The following RAB11FIP3 variants were observed in gnomAD, a reference collection of about 807,000 sequenced individuals.
RAB11FIP3 encodes the protein RAB11 family interacting protein 3.
A neutral mutation model predicts 77.8 loss-of-function variants in RAB11FIP3; 17 were observed. That is an observed-to-expected ratio of 0.22 (90% confidence interval 0.15 to 0.33). The LOEUF (loss-of-function observed/expected upper bound fraction) is 0.33. RAB11FIP3 is among the 10% of genes least tolerant of loss of function. The pLI, the probability that RAB11FIP3 is intolerant of heterozygous loss-of-function variation, is 1.00. For synonymous variants in RAB11FIP3, 437 were observed against 448.2 expected, an observed-to-expected ratio of 0.98 and a Z score of 0.31; for missense variants, 1,005 against 1,011.2, an observed-to-expected ratio of 0.99 and a Z score of 0.08.
chr16:492,397 C>CG lies in RAB11FIP3; in HGVS notation c.1265+3400dup, dbSNP rs575066245. ...ACCCGAGGCCGCCCAGAGCCCTCCC[C>CG]GGGAGACCCGAGGCCGCCCAGGGCC... On this transcript the variant is annotated intron_variant, in intron 5 of 13. Transcript: ENST00000262305. Among the ~76,000 whole-genome samples the CG allele has an allele frequency of 2.2e-3, 276 of 127,708 alleles. 6 individuals carry two copies. Among genetic ancestry groups the CG allele is most frequent in the East Asian group, 0.013 (44 of 3,506 alleles). 83.8% of individuals were successfully genotyped at this position (127,708 alleles called of 152,430 possible).
chr16:445,439 C>CAAAATA (rs938055350), intron 1 of RAB11FIP3, among the ~76,000 whole-genome samples: 11 of 150,438 alleles, frequency 7.3e-5, no homozygotes, highest in African/African-American at 2.0e-4. Flanking sequence ...ACTCTTGTCT[C>CAAAATA]AAAATAAAAA....
At position 471,532 on chromosome 16, in the gene RAB11FIP3, G is replaced by A. The variant is rs3765478; in HGVS notation, c.903+143G>A. On this transcript the variant is annotated intron_variant, in intron 3 of 13. Coordinates refer to ENST00000262305, the MANE Select transcript of RAB11FIP3 (RefSeq NM_014700.4). This position sits in a 1 kb window ranked among gnomAD's most constrained non-coding sequence, Gnocchi z 4.4. ...GGGCCTCCCGCCCTGTGTGCACCGT[G>A]GGGCTCTGTGGCTGTGACGGGAGGC... 69 of 704,948 alleles carry A rather than the reference G, an allele frequency of 9.8e-5. 2 individuals carry two copies. Among genetic ancestry groups the A allele is most frequent in the East Asian group, 9.3e-4 (34 of 36,524 alleles). 43.7% of individuals were successfully genotyped at this position (704,948 alleles called of 1,614,324 possible).
chr16:457,057 G>A (rs960313118), intron 1 of RAB11FIP3, among the ~76,000 whole-genome samples: 1 of 151,952 alleles, frequency 6.6e-6, no homozygotes, highest in Non-Finnish European at 1.5e-5. Flanking sequence ...TTATTGCTGT[G>A]GTTTCTGATA....
At chr16:458,094 C>G (rs1190215551) in intron 1 of RAB11FIP3, among the ~76,000 whole-genome samples, 11 of 152,242 alleles carry the variant, frequency 7.2e-5, no homozygotes, top group Admixed American at 7.2e-4. Context: ...GAATTCCACA[C>G]TGTGGGGTCC....
intron 1 of RAB11FIP3, among the ~76,000 whole-genome samples, chr16:446,319 A>G (rs1315643429): frequency 1.3e-5 from 2 of 152,298 alleles, no homozygotes; most frequent in East Asian, 1.9e-4. Context: ...TTGGTTGTCT[A>G]TGTGAAGCAG....
chr16:436,223 T>C (rs1698233), intron 1 of RAB11FIP3, among the ~76,000 whole-genome samples: 88,092 of 152,046 alleles, frequency 0.58, 27,157 homozygotes, highest in African/African-American at 0.8. Flanking sequence ...GCAGGAGAAT[T>C]GCTTGAATCC....
intron 2 of RAB11FIP3, among the ~76,000 whole-genome samples, chr16:466,227 A>G (rs1304069376): frequency 6.6e-6 from 1 of 152,156 alleles, no homozygotes; most frequent in Non-Finnish European, 1.5e-5. Context: ...AGTCAGGGAC[A>G]CAGCCTGTCA....
intron 2 of RAB11FIP3, among the ~76,000 whole-genome samples, chr16:468,074 G>C (rs111164652): frequency 0.06 from 857 of 14,288 alleles, 268 homozygotes; most frequent in African/African-American, 0.25. Context: ...GCAGGGAAGT[G>C]AGGGAGGAGG....
chr16:468,892 G>A (rs1226546837), intron 2 of RAB11FIP3, among the ~76,000 whole-genome samples: 1 of 152,224 alleles, frequency 6.6e-6, no homozygotes, highest in Non-Finnish European at 1.5e-5. Flanking sequence ...CCCCTGCTCC[G>A]CCCTCTGGGG....
At chr16:503,875 G>A (rs928745599) in intron 7 of RAB11FIP3, among the ~76,000 whole-genome samples, 8 of 151,568 alleles carry the variant, frequency 5.3e-5, no homozygotes, top group African/African-American at 9.7e-5. Flanking sequence ...GGGAGACTCC[G>A]TCTCACCTTC....
Position 522,044 on chromosome 16 carries a change from T to TGTGTGCGCGCATGTGTGCGTGCGCGC in RAB11FIP3, c.*1205_*1206insGTGTGCGCGCATGTGTGCGTGCGCGC, listed in dbSNP as rs58290701. ...CGCTGCGTGTGTGTGCGCGCGCGTG[T>TGTGTGCGCGCATGTGTGCGTGCGCGC]ACGTGTGGCCCCACATCCGCCGCCT... On this transcript the variant is annotated 3_prime_UTR_variant, in exon 14 of 14. Transcript: ENST00000262305. 2.0e-5 allele frequency: 3 copies of TGTGTGCGCGCATGTGTGCGTGCGCGC among 151,732 alleles called. No individual in the cohort carries two copies. The highest frequency in any genetic ancestry group is 6.6e-5 in the Admixed American group (1 of 15,260). The allele number at this position is 151,732 out of a possible 1,614,324, so 9.4% of individuals were successfully genotyped here.
chr16:440,249 G>A (rs2055202944), intron 1 of RAB11FIP3, among the ~76,000 whole-genome samples: 1 of 152,024 alleles, frequency 6.6e-6, no homozygotes, highest in Admixed American at 6.6e-5. Flanking sequence ...GGACATTTCT[G>A]GACAATAAAT....
At chr16:466,495 G>T (rs1382141355) in intron 2 of RAB11FIP3, among the ~76,000 whole-genome samples, 5 of 152,192 alleles carry the variant, frequency 3.3e-5, no homozygotes, top group Non-Finnish European at 7.3e-5. Flanking sequence ...CAGCTCAGGA[G>T]TCAGGGTGTG....
intron 6 of RAB11FIP3, among the ~76,000 whole-genome samples, chr16:498,940 G>A (rs575324152): frequency 6.6e-6 from 1 of 151,846 alleles, no homozygotes; most frequent in Non-Finnish European, 1.5e-5. Flanking sequence ...GCCGGGCGTA[G>A]TAGGTCACGC....
intron 4 of RAB11FIP3, among the ~76,000 whole-genome samples, chr16:487,520 C>G (rs983046333): frequency 6.6e-6 from 1 of 152,176 alleles, no homozygotes; most frequent in African/African-American, 2.4e-5. Flanking sequence ...ATTGGAACTC[C>G]TCACGGCTGA....
intron 4 of RAB11FIP3, among the ~76,000 whole-genome samples, chr16:484,595 C>T (rs1201809397): frequency 1.3e-5 from 2 of 152,170 alleles, no homozygotes; most frequent in African/African-American, 2.4e-5. Context: ...TCAGGCGATC[C>T]GCCCGCCTCG....
In RAB11FIP3 at chr16:488,836, T is replaced by C. The variant is rs753654226; in HGVS notation, c.1116-15T>C. On this transcript the variant is annotated splice_polypyrimidine_tract_variant and intron_variant, in intron 4 of 13. Coordinates refer to ENST00000262305, the MANE Select transcript of RAB11FIP3 (RefSeq NM_014700.4). ...GCCTTCAGTCAGAAGACATCATTTC[T>C]GTTTTACTTTGCAGGCCTCACCCCC... The C allele has an allele frequency of 6.2e-7, 1 of 1,611,802 alleles. No individual in the cohort carries two copies. The highest frequency in any genetic ancestry group is 8.5e-7 in the Non-Finnish European group (1 of 1,178,476).
At chr16:466,895 G>A (rs1056577786) in intron 2 of RAB11FIP3, among the ~76,000 whole-genome samples, 1 of 152,168 alleles carries the variant, frequency 6.6e-6, no homozygotes, top group South Asian at 2.1e-4. Context: ...ATCGTGAGCC[G>A]GCCAGGGCTC....
chr16:467,072 G>A (rs2055713576), intron 2 of RAB11FIP3, among the ~76,000 whole-genome samples: 1 of 152,186 alleles, frequency 6.6e-6, no homozygotes. Context: ...AGCACGAAAC[G>A]GCAGTGCAGA....
Sources: allele counts gnomAD v4.1 joint callset (sites outside exome capture counted in the v4.1 genomes callset), GRCh38; gene constraint gnomAD v4.1.1; non-coding constraint Gnocchi (gnomAD v3.1); transcripts MANE v1.5; gene names NCBI Gene and HGNC (gene_info 2026-07-23, HGNC 2026-07-21).